HPSE2: variants seen among roughly 807,000 people sequenced by gnomAD.
HPSE2 encodes inactive heparanase-2.
A neutral mutation model predicts 60.5 loss-of-function variants in HPSE2; 38 were observed. The observed-to-expected ratio is 0.63, with a 90% CI of 0.48 to 0.82. HPSE2 has a LOEUF of 0.82. Ranked by LOEUF, HPSE2 falls within the 40% of genes least tolerant of loss-of-function variation. The pLI is 0.00. For synonymous variants in HPSE2, 295 were observed against 293.2 expected (o/e 1.01, Z -0.06); for missense variants, 713 against 740.4 (o/e 0.96, Z 0.43).
intron 3 of HPSE2, among the ~76,000 whole-genome samples, chr10:98,847,995 G>A (rs1030116688): frequency 1.3e-5 from 2 of 152,214 alleles, no homozygotes; most frequent in Non-Finnish European, 2.9e-5. Flanking sequence ...GATGTTCTCT[G>A]TGCATATAAT....
At chr10:99,164,179 T>C (rs1316867453) in intron 2 of HPSE2, among the ~76,000 whole-genome samples, 4 of 145,522 alleles carry the variant, frequency 2.7e-5, no homozygotes, top group Non-Finnish European at 4.5e-5. Context: ...GGAATTCTTC[T>C]ATAAGGAAGA....
intron 2 of HPSE2, among the ~76,000 whole-genome samples, chr10:99,218,920 C>T (rs1227268287): frequency 2.0e-5 from 3 of 152,126 alleles, no homozygotes; most frequent in Non-Finnish European, 2.9e-5. Flanking sequence ...GCTTTTCCAA[C>T]AATTACAAGG....
At chr10:98,764,412 T>C (rs895072183) in intron 3 of HPSE2, among the ~76,000 whole-genome samples, 1 of 152,028 alleles carries the variant, frequency 6.6e-6, no homozygotes, top group Non-Finnish European at 1.5e-5. Flanking sequence ...TAAAAACAAA[T>C]TTAGAAATCT....
chr10:99,258,326 G>A, the HPSE2 span, among the ~76,000 whole-genome samples: 1 of 151,932 alleles, frequency 6.6e-6, no homozygotes, highest in Non-Finnish European at 1.5e-5. Context: ...AACAAAAGAT[G>A]TGCAAGACCT....
At chr10:98,696,292 TA>T (rs71009706) in intron 5 of HPSE2, among the ~76,000 whole-genome samples, 27,549 of 90,022 alleles carry the variant, frequency 0.31, 3,149 homozygotes, top group East Asian at 0.5. Context: ...GAGGCTCCCA[TA>T]AAAAAAAAAA....
At position 99,013,791 on chromosome 10, in the gene HPSE2, C is replaced by G. The variant is rs1957071575; in HGVS notation, c.610+130447G>C. On this transcript the variant is annotated intron_variant, in intron 3 of 11. Transcript: ENST00000370552. ...GGAAACATGTATTATTAATCACTAT[C>G]TCTTTTACATTACTTCCTATTGTAG... The G allele has an allele frequency of 2.1e-5, 6 of 284,638 alleles. No homozygotes were observed. The South Asian group carries it at 2.5e-4, about 12-fold the overall frequency. The allele number at this position is 284,638 out of a possible 1,614,324, so 17.6% of individuals were successfully genotyped here. A position where few individuals can be genotyped will look rare whatever the true frequency, so the allele number is the denominator to read the frequency against.
chr10:98,766,930 C>A (rs943984294), intron 3 of HPSE2, among the ~76,000 whole-genome samples: 6 of 151,626 alleles, frequency 4.0e-5, no homozygotes, highest in Middle Eastern at 3.2e-3. Flanking sequence ...GTCTCAAAAA[C>A]AAAAAACAAA....
intron 3 of HPSE2, among the ~76,000 whole-genome samples, chr10:98,795,921 A>G (rs1442632411): frequency 2.0e-5 from 3 of 152,152 alleles, no homozygotes; most frequent in African/African-American, 7.2e-5. Context: ...ACACACCCCA[A>G]TCCAAAATGG....
chr10:99,027,779 C>T (rs558369599), intron 3 of HPSE2, among the ~76,000 whole-genome samples: 1 of 148,942 alleles, frequency 6.7e-6, no homozygotes, highest in East Asian at 2.0e-4. Flanking sequence ...GTAAACCAAA[C>T]TCAACAATAC....
chr10:98,468,826 A>G (rs1925643), intron 11 of HPSE2, among the ~76,000 whole-genome samples: 58,283 of 151,784 alleles, frequency 0.38, 11,709 homozygotes, highest in African/African-American at 0.51. Context: ...GGAAAATAGT[A>G]TCCTGTTCCC....
At chr10:98,466,908 C>T (rs1040789534) in intron 11 of HPSE2, among the ~76,000 whole-genome samples, 1 of 152,276 alleles carries the variant, frequency 6.6e-6, no homozygotes, top group East Asian at 1.9e-4. Flanking sequence ...GTCTGAAGTC[C>T]CCATGCACAG....
chr10:99,058,578 G>A (rs564094914), intron 3 of HPSE2, among the ~76,000 whole-genome samples: 10 of 152,216 alleles, frequency 6.6e-5, no homozygotes, highest in Admixed American at 5.9e-4. Context: ...TTAGCACTTC[G>A]TTTAGGTATT....
chr10:98,960,740 A>ATT (rs63389761), intron 3 of HPSE2, among the ~76,000 whole-genome samples: 4,105 of 95,682 alleles, frequency 0.043, 101 homozygotes, highest in African/African-American at 0.082. Context: ...TTTTTATTTT[A>ATT]TTTTTTTTTT....
At chr10:98,653,658 C>T (rs1450743803) in intron 6 of HPSE2, among the ~76,000 whole-genome samples, 1 of 151,822 alleles carries the variant, frequency 6.6e-6, no homozygotes, top group Non-Finnish European at 1.5e-5. Context: ...CCCTTCATTT[C>T]TATCATTCAT....
intron 9 of HPSE2, among the ~76,000 whole-genome samples, chr10:98,568,549 T>C (rs1212236524): frequency 6.6e-6 from 1 of 152,210 alleles, no homozygotes; most frequent in Non-Finnish European, 1.5e-5. Flanking sequence ...TAGATTGTCC[T>C]TTAAGGTTCT....
chr10:98,555,693 T>C (rs1943987541), intron 9 of HPSE2, among the ~76,000 whole-genome samples: 1 of 152,248 alleles, frequency 6.6e-6, no homozygotes, highest in Non-Finnish European at 1.5e-5. Flanking sequence ...AGAAAAGCTA[T>C]AAATTTTGGT....
the HPSE2 span, among the ~76,000 whole-genome samples, chr10:99,298,681 CTTT>C: frequency 1.6e-5 from 2 of 122,390 alleles, no homozygotes; most frequent in Admixed American, 8.1e-5. Context: ...TTTTTTTTTT[CTTT>C]TTTTTTTTTG....
At chr10:98,537,215 G>T (rs1466749159) in intron 9 of HPSE2, among the ~76,000 whole-genome samples, 1 of 152,186 alleles carries the variant, frequency 6.6e-6, no homozygotes, top group East Asian at 1.9e-4. Flanking sequence ...AGGGAATGGA[G>T]AGGTAGGGGA....
chr10:98,729,539 G>A (rs1416359897), intron 4 of HPSE2, among the ~76,000 whole-genome samples: 1 of 152,076 alleles, frequency 6.6e-6, no homozygotes, highest in Admixed American at 6.6e-5. Flanking sequence ...AACCTGATAG[G>A]TGGAGTTTGC....
Sources: allele counts gnomAD v4.1 joint callset (sites outside exome capture counted in the v4.1 genomes callset), GRCh38; gene constraint gnomAD v4.1.1; transcripts MANE v1.5; gene names NCBI Gene and HGNC (gene_info 2026-07-23, HGNC 2026-07-21).